ADA2: variants seen among roughly 807,000 people sequenced by gnomAD.
ADA2 encodes adenosine deaminase CECR1.
Under a neutral mutation model 44.2 loss-of-function variants are expected in ADA2, and 29 were observed. The ratio of observed to expected loss-of-function variants is 0.66; its 90% CI spans 0.49 to 0.89. ADA2 has a LOEUF of 0.89. Among genes scored for constraint, ADA2 ranks in the 40% least tolerant of loss-of-function variants. The pLI, the probability that ADA2 is intolerant of heterozygous loss-of-function variation, is 0.00. For missense variants in ADA2, 637 were observed against 644.8 expected (o/e 0.99, Z 0.13); for synonymous variants, 215 against 234.9 (o/e 0.92, Z 0.77).
chr22:17,189,631 G>A (rs1448289404), intron 6 of ADA2, among the ~76,000 whole-genome samples: 2 of 152,212 alleles, frequency 1.3e-5, no homozygotes, highest in African/African-American at 4.8e-5. Context: ...CAGGGCCATG[G>A]GGAATGAGCC....
rs1279011827 is a variant in ADA2, at chr22:17,209,594, T to C, written c.84A>G (p.Leu28=). ...AVAMSFFGSA[L]SIDETRAHLL... ...GATGCGCCCGTGTTTCATCTATGGA[T>C]AGAGCTGAGCCGAAGAAAGACATTG... is the stretch of plus-strand genomic sequence containing the variant. The change falls in exon 2 of 10, where the codon CTA becomes CTG. Residue 28 remains leucine (L), a synonymous_variant. Coordinates refer to ENST00000399837, the MANE Select transcript of ADA2 (RefSeq NM_001282225.2). 1 of 1,614,028 alleles carries C rather than the reference T, an allele frequency of 6.2e-7. No individual in the cohort carries two copies. The highest frequency in any genetic ancestry group is 1.7e-5 in the Admixed American group (1 of 59,990).
At chr22:17,208,195 G>A (rs1206651708) in intron 2 of ADA2, among the ~76,000 whole-genome samples, 2 of 152,048 alleles carry the variant, frequency 1.3e-5, no homozygotes, top group Non-Finnish European at 2.9e-5. Context: ...GGAGGCCGAG[G>A]CAGGCAGATC....
Position 17,209,661 on chromosome 22 carries a change from G to A in ADA2, c.17C>T (p.Pro6Leu), listed in dbSNP as rs2062397044. ...GAAGCACAGGGCTGGCCGCTCAGAT[G>A]GGCCATCCACCAACATCGGGATGCC... MLVDG[P>L]SERPALCFLL... Residue 6 changes from proline (P) to leucine (L), a missense_variant, in exon 2 of 10, where the codon CCA becomes CTA. Transcript: ENST00000399837. The A allele has an allele frequency of 6.2e-7, 1 of 1,612,634 alleles. No homozygotes were observed. The highest frequency in any genetic ancestry group is 8.5e-7 in the Non-Finnish European group (1 of 1,179,536).
rs79691317 is a variant in ADA2 at position 17,196,603 on chromosome 22, C to T, written c.754-4793G>A. Among the ~76,000 whole-genome samples, 1,032 of 152,194 alleles carry T rather than the reference C, an allele frequency of 6.8e-3. 19 individuals are homozygous for T. Among genetic ancestry groups the T allele is most frequent in the African/African-American group, 0.024 (979 of 41,524 alleles). On this transcript the variant is annotated intron_variant, in intron 4 of 9. Transcript: ENST00000399837. The stretch of plus-strand genomic sequence containing the variant: ...GTCATTACTGAGTCTCCTGCCCACA[C>T]CCCCCAGCTAGATTGGAGGCTCCTC...
chr22:17,183,081 G>T (rs1268763601), intron 7 of ADA2, among the ~76,000 whole-genome samples: 4 of 152,054 alleles, frequency 2.6e-5, no homozygotes, highest in African/African-American at 4.8e-5. Flanking sequence ...CGAGTTTTTT[G>T]TTGTTGTTGT....
Position 17,197,378 on chromosome 22 carries a change from C to T in ADA2, c.754-5568G>A, listed in dbSNP as rs1242330961. Among the ~76,000 whole-genome samples the T allele has an allele frequency of 2.6e-5, 4 of 151,918 alleles. No homozygotes were observed. In the East Asian group the frequency reaches 7.7e-4, roughly 29 times the overall value. ...CCAGGCTCAGGTGATCCTCCCACCT[C>T]AGCCTCTTGAGTAACTGGGACCACA... On this transcript the variant is annotated intron_variant, in intron 4 of 9. Transcript: ENST00000399837.
chr22:17,201,967 C>CTTTTTTTTTTTTT (rs71200247), intron 4 of ADA2, among the ~76,000 whole-genome samples: 1 of 103,122 alleles, frequency 9.7e-6, no homozygotes, highest in Non-Finnish European at 1.9e-5. Flanking sequence ...TTTCTTTTTT[C>CTTTTTTTTTTTTT]TTTTTTTTTT....
chr22:17,189,847 T>C, intron 6 of ADA2, 95 bp downstream of exon 6: 1 of 848,554 alleles, frequency 1.2e-6, no homozygotes, highest in Non-Finnish European at 2.0e-6. Flanking sequence ...AACAGGCACA[T>C]TGCGCTCCCT....
At chr22:17,194,264 C>G (rs79176285) in intron 4 of ADA2, among the ~76,000 whole-genome samples, 1 of 152,070 alleles carries the variant, frequency 6.6e-6, no homozygotes, top group Non-Finnish European at 1.5e-5. Context: ...TTCCTCCTCC[C>G]GGGAGTCGGC....
chr22:17,207,897 C>T (rs531824260), intron 2 of ADA2, among the ~76,000 whole-genome samples: 2 of 152,230 alleles, frequency 1.3e-5, no homozygotes, highest in African/African-American at 4.8e-5. Flanking sequence ...CAGCTTCTGG[C>T]CTGCAGGCTT....
chr22:17,202,247 A>G (rs1370620666), intron 4 of ADA2, among the ~76,000 whole-genome samples: 1 of 151,888 alleles, frequency 6.6e-6, no homozygotes, highest in Non-Finnish European at 1.5e-5. Flanking sequence ...CTCCTGCCTC[A>G]GCCTCCCAAG....
intron 1 of ADA2, among the ~76,000 whole-genome samples, chr22:17,214,727 G>A (rs1200326074): frequency 6.6e-6 from 1 of 152,226 alleles, no homozygotes; most frequent in African/African-American, 2.4e-5. Context: ...CTGGGTGGCA[G>A]AACAGCCACC....
At chr22:17,209,162 A>T (rs905503559) in intron 2 of ADA2, among the ~76,000 whole-genome samples, 194 bp downstream of exon 2, 1 of 152,128 alleles carries the variant, frequency 6.6e-6, no homozygotes, top group Non-Finnish European at 1.5e-5. Flanking sequence ...ACTGTCTGCG[A>T]GTCCCCCAGG....
chr22:17,191,568 T>G, intron 5 of ADA2, 115 bp downstream of exon 5: 1 of 1,177,538 alleles, frequency 8.5e-7, no homozygotes, highest in Non-Finnish European at 1.2e-6. Flanking sequence ...TTGGCACCAG[T>G]GCTGGGCCTC....
intron 5 of ADA2, 101 bp from the exon 6 acceptor site, chr22:17,190,133 G>A (rs1263640135): frequency 1.9e-5 from 18 of 929,588 alleles, no homozygotes; most frequent in East Asian, 2.4e-5. Context: ...CCCCAAGTGT[G>A]CAGGTCCCGT....
At chr22:17,193,168 G>A in intron 4 of ADA2, 2 of 1,414,570 alleles carry the variant, frequency 1.4e-6, no homozygotes, top group Non-Finnish European at 9.8e-7. Flanking sequence ...TGGAAGTGCT[G>A]CTGATGTGCA....
upstream of ADA2, chr22:17,219,647 T>C (rs1418937896): frequency 6.6e-6 from 1 of 151,574 alleles, no homozygotes; most frequent in Non-Finnish European, 1.5e-5. Flanking sequence ...TGTTTCGGTT[T>C]ATGTGCATGT....
intron 1 of ADA2, among the ~76,000 whole-genome samples, chr22:17,211,057 T>G (rs2062413416): frequency 6.6e-6 from 1 of 151,452 alleles, no homozygotes; most frequent in Admixed American, 6.6e-5. Flanking sequence ...AAAAAATATT[T>G]TTTTATTAAA....
chr22:17,189,526 AC>A (rs933526646), intron 6 of ADA2, among the ~76,000 whole-genome samples: 6 of 151,676 alleles, frequency 4.0e-5, no homozygotes, highest in Non-Finnish European at 8.8e-5. Context: ...TCCAGACATT[AC>A]CCCCCAGTCC....
Sources: gnomAD v4.1 joint callset for allele counts (sites outside exome capture counted in the v4.1 genomes callset) on GRCh38, gnomAD v4.1.1 for gene constraint, MANE v1.5 for transcripts, NCBI Gene and HGNC (gene_info 2026-07-23, HGNC 2026-07-21) for gene names.